TENM3: variants seen among roughly 807,000 people sequenced by gnomAD.
TENM3 encodes the protein teneurin transmembrane protein 3, also known as teneurin-3.
Under a neutral mutation model 255.1 loss-of-function variants are expected in TENM3, and 63 were observed. The ratio of observed to expected loss-of-function variants is 0.25; its 90% confidence interval spans 0.20 to 0.30. The LOEUF (loss-of-function observed/expected upper bound fraction) is 0.30, where lower values mean the gene tolerates loss of function less well. Among genes scored for constraint, TENM3 ranks in the 10% least tolerant of loss-of-function variants. TENM3 has a pLI of 1.00. For synonymous variants in TENM3, 1,306 were observed against 1,322.3 expected, an observed-to-expected ratio of 0.99 and a Z score of 0.27; for missense variants, 2,929 against 3,461.1, an observed-to-expected ratio of 0.85 and a Z score of 3.86.
chr4:181,658,407 G>A, the TENM3 span, among the ~76,000 whole-genome samples: 1 of 152,144 alleles, frequency 6.6e-6, no homozygotes, highest in Non-Finnish European at 1.5e-5. Context: ...CAGAGAAAGG[G>A]CAGTATCTCA....
chr4:182,617,294 A>G (rs1165602437), intron 4 of TENM3, among the ~76,000 whole-genome samples: 1 of 152,180 alleles, frequency 6.6e-6, no homozygotes, highest in African/African-American at 2.4e-5. Flanking sequence ...AGTGTTATAT[A>G]TTTTAACAGT....
At chr4:181,925,103 G>A in the TENM3 span, among the ~76,000 whole-genome samples, 310 of 152,220 alleles carry the variant, frequency 2.0e-3, 2 homozygotes, top group African/African-American at 7.1e-3. Flanking sequence ...ATTCATAAAG[G>A]CATAAGAAGA....
At chr4:181,461,592 A>G in the TENM3 span, among the ~76,000 whole-genome samples, 9 of 151,934 alleles carry the variant, frequency 5.9e-5, no homozygotes, top group Non-Finnish European at 1.3e-4. Flanking sequence ...GATTATTTCT[A>G]TTGCTACAAT....
intron 3 of TENM3, among the ~76,000 whole-genome samples, chr4:182,523,897 T>C (rs1213471845): frequency 1.3e-5 from 2 of 152,216 alleles, no homozygotes; most frequent in African/African-American, 4.8e-5. Flanking sequence ...TTACTTTCTT[T>C]TATAATATCA....
the TENM3 span, chr4:181,874,320 G>C: frequency 1.3e-5 from 2 of 152,162 alleles, no homozygotes; most frequent in Admixed American, 6.5e-5. Flanking sequence ...TACTGACAAA[G>C]AAGTGTCAAA....
intron 3 of TENM3, among the ~76,000 whole-genome samples, chr4:182,361,682 G>C (rs547427192): frequency 6.6e-6 from 1 of 151,584 alleles, no homozygotes; most frequent in African/African-American, 2.4e-5. Flanking sequence ...CCTGTAGCTC[G>C]TAGTTTGATC....
intron 1 of TENM3, among the ~76,000 whole-genome samples, chr4:182,259,921 C>G (rs1442648480): frequency 3.3e-5 from 5 of 152,046 alleles, no homozygotes; most frequent in African/African-American, 1.2e-4. Context: ...CCCTCACCCC[C>G]CTACTCTTCT....
At chr4:182,168,383 C>A (rs1161555589) in intron 1 of TENM3, among the ~76,000 whole-genome samples, 1 of 152,156 alleles carries the variant, frequency 6.6e-6, no homozygotes, top group African/African-American at 2.4e-5. Flanking sequence ...AATCCTCTTG[C>A]CTTGGCCTCC....
chr4:181,698,213 CAAAA>C, the TENM3 span, among the ~76,000 whole-genome samples: 6 of 119,464 alleles, frequency 5.0e-5, no homozygotes, highest in Non-Finnish European at 7.1e-5. Flanking sequence ...GACTCTGTCT[CAAAA>C]AAAAAAAAAA....
At chr4:181,556,493 G>T in the TENM3 span, among the ~76,000 whole-genome samples, 1 of 151,988 alleles carries the variant, frequency 6.6e-6, no homozygotes, top group East Asian at 1.9e-4. Flanking sequence ...ACAGTAACTA[G>T]ATATTAAGAA....
At chr4:182,041,924 G>C in the TENM3 span, among the ~76,000 whole-genome samples, 1 of 152,138 alleles carries the variant, frequency 6.6e-6, no homozygotes, top group Non-Finnish European at 1.5e-5. Context: ...TAATTAATTT[G>C]GTTCTCATAC....
At chr4:181,655,091 G>A in the TENM3 span, among the ~76,000 whole-genome samples, 1 of 152,220 alleles carries the variant, frequency 6.6e-6, no homozygotes, top group African/African-American at 2.4e-5. Context: ...TGGAACCCAG[G>A]AAGGCCAATC....
chr4:182,378,527 A>T (rs780542596), intron 3 of TENM3, among the ~76,000 whole-genome samples: 17 of 152,172 alleles, frequency 1.1e-4, no homozygotes, highest in Non-Finnish European at 2.1e-4. Context: ...AGAACGAACA[A>T]GTTAGATAAC....
the TENM3 span, among the ~76,000 whole-genome samples, chr4:181,950,536 G>T: frequency 6.6e-6 from 1 of 152,142 alleles, no homozygotes; most frequent in Non-Finnish European, 1.5e-5. Context: ...TGTCCCAGTT[G>T]AATGGAAGCT....
At chr4:181,727,871 C>A in the TENM3 span, among the ~76,000 whole-genome samples, 1 of 152,178 alleles carries the variant, frequency 6.6e-6, no homozygotes, top group East Asian at 1.9e-4. Context: ...GACAGCTAGT[C>A]CTAATGTTAC....
chr4:181,757,171 C>T, the TENM3 span, among the ~76,000 whole-genome samples: 1 of 152,200 alleles, frequency 6.6e-6, no homozygotes. Context: ...ACTTTACACC[C>T]ATGTGGTTTC....
intron 7 of TENM3, among the ~76,000 whole-genome samples, chr4:182,678,925 G>A (rs544682061): frequency 7.2e-5 from 11 of 152,170 alleles, no homozygotes; most frequent in Non-Finnish European, 1.6e-4. Context: ...TGAGCAGAAA[G>A]AGGAGAATGA....
intron 1 of TENM3, among the ~76,000 whole-genome samples, chr4:182,262,535 C>G (rs1304297147): frequency 6.6e-6 from 1 of 152,088 alleles, no homozygotes; most frequent in Non-Finnish European, 1.5e-5. Context: ...CCCACCAGCG[C>G]CACGACAATT....
intron 1 of TENM3, among the ~76,000 whole-genome samples, chr4:182,270,637 G>C (rs1759553142): frequency 6.6e-6 from 1 of 151,958 alleles, no homozygotes; most frequent in African/African-American, 2.4e-5. Flanking sequence ...TTTTATTTTT[G>C]GTTTACAAAA....
Sources: gnomAD v4.1 joint callset for allele counts (sites outside exome capture counted in the v4.1 genomes callset) on GRCh38, gnomAD v4.1.1 for gene constraint, MANE v1.5 for transcripts, NCBI Gene and HGNC (gene_info 2026-07-23, HGNC 2026-07-21) for gene names.